Variants in CSNK1D observed in about 807,000 individuals in gnomAD.
CSNK1D encodes casein kinase I isoform delta.
In CSNK1D, 16 loss-of-function variants were observed where a neutral mutation model predicts 46.6. The observed-to-expected ratio is 0.34, with a 90% CI of 0.23 to 0.52. The LOEUF (loss-of-function observed/expected upper bound fraction) is 0.52, where lower values mean the gene tolerates loss of function less well. CSNK1D is among the 20% of genes least tolerant of loss of function. CSNK1D has a pLI of 0.95. For missense variants in CSNK1D, 398 were observed against 578.4 expected, an observed-to-expected ratio of 0.69 and a Z score of 3.20; for synonymous variants, 276 against 228.2, an observed-to-expected ratio of 1.21 and a Z score of -1.89.
At position 82,249,934 on chromosome 17, in the gene CSNK1D, A is replaced by G. The variant is rs113913371; in HGVS notation, c.886-332T>C. On this transcript the variant is annotated intron_variant, in intron 6 of 8. Coordinates refer to ENST00000314028, the MANE Select transcript of CSNK1D (RefSeq NM_001893.6). The surrounding 1 kb of genome is among the most constrained non-coding windows in gnomAD (Gnocchi z 6.7). Reference sequence around the variant, plus strand: ...TGAACATGCTCACTAACACGTGCAGAAAGAGGAGAGGGACAGGAACCATCG... The same window carrying G: ...TGAACATGCTCACTAACACGTGCAGGAAGAGGAGAGGGACAGGAACCATCG... 2.0e-4 allele frequency: 254 copies of G among 1,288,758 alleles called. No homozygotes were observed. In the African/African-American group the frequency reaches 3.4e-3, roughly 17 times the overall value. 79.8% of individuals were successfully genotyped at this position (1,288,758 alleles called of 1,614,324 possible).
chr17:82,255,073 C>T lies in CSNK1D; in HGVS notation c.336+356G>A, dbSNP rs1484616669. 7 of 375,460 alleles carry T rather than the reference C, an allele frequency of 1.9e-5. No homozygotes were observed. Among genetic ancestry groups the T allele is most frequent in the Non-Finnish European group, 3.0e-5 (6 of 198,800 alleles). The allele number at this position is 375,460 out of a possible 1,614,324, so 23.3% of individuals were successfully genotyped here. Reference sequence around the variant, plus strand: ...CCAGTGAGCTGAGCCGCCGGAGCCTCGAGAAGCCAGTGAGCTGGGCCGCCG... The same window carrying T: ...CCAGTGAGCTGAGCCGCCGGAGCCTTGAGAAGCCAGTGAGCTGGGCCGCCG... On this transcript the variant is annotated intron_variant, in intron 3 of 8. Transcript: ENST00000314028. The surrounding 1 kb of genome is among the most constrained non-coding windows in gnomAD (Gnocchi z 5.9).
Position 82,244,606 on chromosome 17 carries a change from TG to T in CSNK1D, c.*174del. ...GTGCAGCCCCAGCGGTGGCAGCTCT[TG>T]GAGTCTGTCCGTTTAGTATGTTTCC... On this transcript the variant is annotated 3_prime_UTR_variant, in exon 9 of 9. Coordinates refer to ENST00000314028, the MANE Select transcript of CSNK1D (RefSeq NM_001893.6). 6.6e-7 allele frequency: 1 copy of T among 1,525,134 alleles called. No individual in the cohort carries two copies. The allele number at this position is 1,525,134 out of a possible 1,614,324, so 94.5% of individuals were successfully genotyped here.
downstream of CSNK1D, chr17:82,239,993 G>A (rs972921274): frequency 2.4e-6 from 3 of 1,233,702 alleles, no homozygotes; most frequent in Non-Finnish European, 3.0e-6. Flanking sequence ...GTGCGTCGTG[G>A]GCGCTGGGGA....
chr17:82,245,947 T>C (rs772724920), intron 8 of CSNK1D: 1 of 1,583,114 alleles, frequency 6.3e-7, no homozygotes, highest in Non-Finnish European at 8.6e-7. Flanking sequence ...CTGGCGCTGC[T>C]GCCTGGCGCC....
At chr17:82,265,881 T>C (rs1599615360) in intron 1 of CSNK1D, 85 bp from the exon 2 acceptor site, 5 of 1,136,506 alleles carry the variant, frequency 4.4e-6, no homozygotes, top group Non-Finnish European at 5.4e-6. Context: ...AAGCACTATG[T>C]GTTTTCCATG....
rs2050911542 is a variant in CSNK1D, at chr17:82,248,637, T to C, written c.1197+238A>G. 7.3e-7 allele frequency: 1 copy of C among 1,376,432 alleles called. No homozygotes were observed. The highest frequency in any genetic ancestry group is 9.4e-7 in the Non-Finnish European group (1 of 1,062,338). 85.3% of individuals were successfully genotyped at this position (1,376,432 alleles called of 1,614,324 possible). A position where few individuals can be genotyped will look rare whatever the true frequency, so the allele number is the denominator to read the frequency against. On this transcript the variant is annotated intron_variant, in intron 8 of 8. Transcript: ENST00000314028. The surrounding 1 kb of genome is among the most constrained non-coding windows in gnomAD (Gnocchi z 4.1). Reference sequence around the variant, plus strand: ...CCACGGTTTGCTGGCCTCAGGGACCTGAGACCTGAGACTGGCCACCTGCAA... The same window carrying C: ...CCACGGTTTGCTGGCCTCAGGGACCCGAGACCTGAGACTGGCCACCTGCAA...
chr17:82,252,888 T>A lies in CSNK1D; in HGVS notation c.565+128A>T. 4.5e-6 allele frequency: 4 copies of A among 895,374 alleles called. No homozygotes were observed. The highest frequency in any genetic ancestry group is 7.2e-6 in the Non-Finnish European group (4 of 556,732). 55.5% of individuals were successfully genotyped at this position (895,374 alleles called of 1,614,324 possible). ...TACACCTGGCAGTCACGAGCCAGCC[T>A]GTCTGCCGCAAAGGTCTGATGACAC... On this transcript the variant is annotated intron_variant, in intron 4 of 8. Coordinates refer to ENST00000314028, the MANE Select transcript of CSNK1D (RefSeq NM_001893.6). The surrounding 1 kb of genome is among the most constrained non-coding windows in gnomAD (Gnocchi z 4.6).
chr17:82,248,336 G>A lies in CSNK1D; in HGVS notation c.1197+539C>T. 1 of 995,470 alleles carries A rather than the reference G, an allele frequency of 1.0e-6. No homozygotes were observed. Among genetic ancestry groups the A allele is most frequent in the Non-Finnish European group, 1.2e-6 (1 of 835,362 alleles). 61.7% of individuals were successfully genotyped at this position (995,470 alleles called of 1,614,324 possible). A position where few individuals can be genotyped will look rare whatever the true frequency, so the allele number is the denominator to read the frequency against. Reference sequence around the variant, plus strand: ...AGGCGGTGGCCGTGGCTAGGCCTGGGCTGCGCAACAGGGTACTTCTCGTCC... The same window carrying A: ...AGGCGGTGGCCGTGGCTAGGCCTGGACTGCGCAACAGGGTACTTCTCGTCC... On this transcript the variant is annotated intron_variant, in intron 8 of 8. Transcript: ENST00000314028. This position sits in a 1 kb window ranked among gnomAD's most constrained non-coding sequence, Gnocchi z 4.1.
Position 82,252,872 on chromosome 17 carries a change from C to A in CSNK1D, c.565+144G>T. On this transcript the variant is annotated intron_variant, in intron 4 of 8. Coordinates refer to ENST00000314028, the MANE Select transcript of CSNK1D (RefSeq NM_001893.6). The surrounding 1 kb of genome is among the most constrained non-coding windows in gnomAD (Gnocchi z 4.6). ...CATCCGCCTGCCCCCATACACCTGG[C>A]AGTCACGAGCCAGCCTGTCTGCCGC... 1 of 812,804 alleles carries A rather than the reference C, an allele frequency of 1.2e-6. No individual in the cohort carries two copies. The highest frequency in any genetic ancestry group is 2.1e-6 in the Non-Finnish European group (1 of 485,700). 50.3% of individuals were successfully genotyped at this position (812,804 alleles called of 1,614,324 possible).
At chr17:82,253,770 C>T in intron 3 of CSNK1D, 2 of 318,866 alleles carry the variant, frequency 6.3e-6, no homozygotes, top group South Asian at 5.1e-5. Context: ...GTGAACTGAG[C>T]CGCCGGAGCC....
In CSNK1D at chr17:82,255,149, G is replaced by C. The variant is rs1368783732; in HGVS notation, c.336+280C>G. 1 of 454,982 alleles carries C rather than the reference G, an allele frequency of 2.2e-6. No homozygotes were observed. Among genetic ancestry groups the C allele is most frequent in the Non-Finnish European group, 4.0e-6 (1 of 251,184 alleles). The allele number at this position is 454,982 out of a possible 1,614,324, so 28.2% of individuals were successfully genotyped here. A position where few individuals can be genotyped will look rare whatever the true frequency, so the allele number is the denominator to read the frequency against. On this transcript the variant is annotated intron_variant, in intron 3 of 8. Transcript: ENST00000314028. This position sits in a 1 kb window ranked among gnomAD's most constrained non-coding sequence, Gnocchi z 5.9. Reference sequence around the variant, plus strand: ...GCCGTCGGAGCCTCCAGAAGCCAGTGAGCTGGGCCGCCGGAGCCTCGAGAA... The same window carrying C: ...GCCGTCGGAGCCTCCAGAAGCCAGTCAGCTGGGCCGCCGGAGCCTCGAGAA...
rs114338252 is a variant in CSNK1D at position 82,248,244 on chromosome 17, G to A, written c.1197+631C>T. ...AAAGCTGTTCTAGTTCAAAGAGCACGTTAGCAAACGCAAAAGACAACAAAA... is the reference window on the plus strand; with the variant it reads ...AAAGCTGTTCTAGTTCAAAGAGCACATTAGCAAACGCAAAAGACAACAAAA... On this transcript the variant is annotated intron_variant, in intron 8 of 8. Transcript: ENST00000314028. The surrounding 1 kb of genome is among the most constrained non-coding windows in gnomAD (Gnocchi z 4.1). 1.1e-3 allele frequency: 1,123 copies of A among 986,246 alleles called. 15 individuals are homozygous for A. In the African/African-American group the frequency reaches 0.018, roughly 16 times the overall value. 61.1% of individuals were successfully genotyped at this position (986,246 alleles called of 1,614,324 possible).
chr17:82,261,834 G>A (rs960728212), intron 2 of CSNK1D, among the ~76,000 whole-genome samples: 2 of 152,130 alleles, frequency 1.3e-5, no homozygotes, highest in South Asian at 2.1e-4. Context: ...GAAGACAGTC[G>A]CCCACCCTCA....
chr17:82,269,118 AAGC>A lies in CSNK1D; in HGVS notation c.77-3325_77-3323del, dbSNP rs1407518371. Among the ~76,000 whole-genome samples the A allele has an allele frequency of 4.2e-3, 639 of 151,264 alleles. 4 individuals are homozygous for A. Among genetic ancestry groups the A allele is most frequent in the African/African-American group, 0.014 (589 of 41,182 alleles). On this transcript the variant is annotated intron_variant, in intron 1 of 8. Coordinates refer to ENST00000314028, the MANE Select transcript of CSNK1D (RefSeq NM_001893.6). ...TCTTAAAAAAAAAAAAAAAAAAAAAAAGCAGATGGTGAGTTAAGCGAACCTAAC... is the reference window on the plus strand; with the variant it reads ...TCTTAAAAAAAAAAAAAAAAAAAAAAAGATGGTGAGTTAAGCGAACCTAAC...
rs1291645543 is a variant in CSNK1D, at chr17:82,244,214, C to G, written c.*567G>C. 9.6e-6 allele frequency: 10 copies of G among 1,038,234 alleles called. No homozygotes were observed. Among genetic ancestry groups the G allele is most frequent in the African/African-American group, 5.1e-5 (3 of 58,978 alleles). The allele number at this position is 1,038,234 out of a possible 1,614,324, so 64.3% of individuals were successfully genotyped here. On this transcript the variant is annotated 3_prime_UTR_variant, in exon 9 of 9. Coordinates refer to ENST00000314028, the MANE Select transcript of CSNK1D (RefSeq NM_001893.6). The stretch of plus-strand genomic sequence containing the variant: ...ACAATAAAACACTGCAAAACAAACA[C>G]AGCACACACCCTTGAGATCCACCTG...
Position 82,250,084 on chromosome 17 carries a change from G to A in CSNK1D, c.886-482C>T, listed in dbSNP as rs931034634. On this transcript the variant is annotated intron_variant, in intron 6 of 8. Coordinates refer to ENST00000314028, the MANE Select transcript of CSNK1D (RefSeq NM_001893.6). The surrounding 1 kb of genome is among the most constrained non-coding windows in gnomAD (Gnocchi z 4.6). ...CTGCAGCCTCCAACAGCCTGTGCAG[G>A]TGTGGTGGCGTGGCCAGCAGCCGGC... 45 of 1,289,878 alleles carry A rather than the reference G, an allele frequency of 3.5e-5. No homozygotes were observed. The highest frequency in any genetic ancestry group is 4.5e-5 in the Non-Finnish European group (45 of 989,410). The allele number at this position is 1,289,878 out of a possible 1,614,324, so 79.9% of individuals were successfully genotyped here. A position where few individuals can be genotyped will look rare whatever the true frequency, so the allele number is the denominator to read the frequency against.
In CSNK1D at chr17:82,248,807, C is replaced by T; in HGVS notation, c.1197+68G>A. 1 of 1,563,990 alleles carries T rather than the reference C, an allele frequency of 6.4e-7. No individual in the cohort carries two copies. On this transcript the variant is annotated intron_variant, in intron 8 of 8. Transcript: ENST00000314028. This position sits in a 1 kb window ranked among gnomAD's most constrained non-coding sequence, Gnocchi z 4.1. The stretch of plus-strand genomic sequence containing the variant: ...AGGAAAGAAGAAGCCCTGGAGAAAC[C>T]ACAGCCCGCTCTTGACTCGGACGGG...
chr17:82,254,256 C>T (rs1467677759), intron 3 of CSNK1D: 11 of 249,008 alleles, frequency 4.4e-5, no homozygotes, highest in African/African-American at 2.1e-4. Flanking sequence ...TGCGCTGAGC[C>T]GCCGGAGCCT....
Position 82,255,063 on chromosome 17 carries a change from G to A in CSNK1D, c.336+366C>T, listed in dbSNP as rs1232640445. 76 of 337,910 alleles carry A rather than the reference G, an allele frequency of 2.2e-4. No individual in the cohort carries two copies. The highest frequency in any genetic ancestry group is 8.0e-4 in the African/African-American group (30 of 37,720). The allele number at this position is 337,910 out of a possible 1,614,324, so 20.9% of individuals were successfully genotyped here. A position where few individuals can be genotyped will look rare whatever the true frequency, so the allele number is the denominator to read the frequency against. ...CCTCGAGAAGCCAGTGAGCTGAGCC[G>A]CCGGAGCCTCGAGAAGCCAGTGAGC... On this transcript the variant is annotated intron_variant, in intron 3 of 8. Coordinates refer to ENST00000314028, the MANE Select transcript of CSNK1D (RefSeq NM_001893.6). The surrounding 1 kb of genome is among the most constrained non-coding windows in gnomAD (Gnocchi z 5.9).
Sources: gnomAD v4.1 joint callset for allele counts (sites outside exome capture counted in the v4.1 genomes callset) on GRCh38, gnomAD v4.1.1 for gene constraint, Gnocchi (gnomAD v3.1) non-coding constraint, MANE v1.5 for transcripts, NCBI Gene and HGNC (gene_info 2026-07-23, HGNC 2026-07-21) for gene names.